DYNC2H1: variants seen among roughly 807,000 people sequenced by gnomAD.
DYNC2H1 encodes cytoplasmic dynein 2 heavy chain 1.
DYNC2H1 carries 410 observed loss-of-function variants against 570.0 expected under a neutral mutation model. The ratio of observed to expected loss-of-function variants is 0.72; its 90% CI spans 0.66 to 0.78. DYNC2H1 has a LOEUF of 0.78. Among genes scored for constraint, DYNC2H1 ranks in the 30% least tolerant of loss-of-function variants. The probability of loss-of-function intolerance (pLI) is 0.00; values close to 1 mark genes in which losing one functional copy is unlikely to be tolerated. For missense variants in DYNC2H1, 4,865 were observed against 5,046.4 expected (o/e 0.96, Z 1.09); for synonymous variants, 1,688 against 1,677.6 (o/e 1.01, Z -0.15).
chr11:103,232,961 A>G (rs1364829170), intron 60 of DYNC2H1, among the ~76,000 whole-genome samples: 1 of 152,004 alleles, frequency 6.6e-6, no homozygotes, highest in African/African-American at 2.4e-5. Flanking sequence ...TGTTTGTAAT[A>G]TGACTGAGGA....
intron 82 of DYNC2H1, among the ~76,000 whole-genome samples, chr11:103,332,312 G>GAAA (rs71962098): frequency 6.5e-5 from 8 of 122,538 alleles, no homozygotes; most frequent in South Asian, 2.6e-4. Flanking sequence ...AAAAAACTGG[G>GAAA]AAAAAAAAAA....
chr11:103,331,637 A>T (rs1938801021), intron 82 of DYNC2H1, among the ~76,000 whole-genome samples: 3 of 152,246 alleles, frequency 2.0e-5, no homozygotes, highest in Admixed American at 2.0e-4. Flanking sequence ...AAAACATTAC[A>T]AAGTATATGA....
At chr11:103,399,549 T>C (rs984721347) in intron 83 of DYNC2H1, 114 bp from the exon 84 acceptor site, 33 of 728,328 alleles carry the variant, frequency 4.5e-5, no homozygotes, top group Non-Finnish European at 7.2e-5. Flanking sequence ...TAAAAGCATT[T>C]CAAAATAGTT....
chr11:103,430,162 A>AAAAATTC (rs1943836022), intron 84 of DYNC2H1, among the ~76,000 whole-genome samples: 1 of 152,130 alleles, frequency 6.6e-6, no homozygotes, highest in South Asian at 2.1e-4. Flanking sequence ...AATTCCTACA[A>AAAAATTC]GTGGCCATTT....
Position 103,188,559 on chromosome 11 carries a change from A to G in DYNC2H1, c.7203A>G (p.Gln2401=). 1.2e-6 allele frequency: 2 copies of G among 1,610,944 alleles called. No homozygotes were observed. The highest frequency in any genetic ancestry group is 1.7e-6 in the Non-Finnish European group (2 of 1,178,018). ...AATGGGTTGGTCTAGAAAATATTCA[A>G]ATTGTGGCTTCTATGTCAGCTGGAG... is the stretch of plus-strand genomic sequence containing the variant. The part of the protein sequence containing the change: ...NLEWVGLENI[Q]IVASMSAGGR... The change falls in exon 44 of 89, where the codon CAA becomes CAG. Residue 2401 remains glutamine, a synonymous_variant. Transcript: ENST00000375735.
chr11:103,256,888 T>C lies in DYNC2H1; in HGVS notation c.10461+648T>C, dbSNP rs1023634172. On this transcript the variant is annotated intron_variant, in intron 68 of 88. Transcript: ENST00000375735. The surrounding 1 kb of genome is among the most constrained non-coding windows in gnomAD (Gnocchi z 4.0). ...TCATCTATTCTCTGATCACAAATAT[T>C]TACCATTTCATCTTACCCACTTTCC... Among the ~76,000 whole-genome samples the C allele has an allele frequency of 1.3e-5, 2 of 152,212 alleles. No individual in the cohort carries two copies. Among genetic ancestry groups the C allele is most frequent in the African/African-American group, 2.4e-5 (1 of 41,454 alleles).
In DYNC2H1 at chr11:103,324,798, A is replaced by G. The variant is rs1938385923; in HGVS notation, c.12039+808A>G. Among the ~76,000 whole-genome samples the G allele has an allele frequency of 6.6e-6, 1 of 152,194 alleles. No individual in the cohort carries two copies. Among genetic ancestry groups the G allele is most frequent in the African/African-American group, 2.4e-5 (1 of 41,446 alleles). ...TCGAGAAATCGCCAAACTATTTTCC[A>G]CAATGGTTGATCTAATTTGCATTCC... On this transcript the variant is annotated intron_variant, in intron 82 of 88. Coordinates refer to ENST00000375735, the MANE Select transcript of DYNC2H1 (RefSeq NM_001377.3). The surrounding 1 kb of genome is among the most constrained non-coding windows in gnomAD (Gnocchi z 5.2).
Position 103,177,190 on chromosome 11 carries a change from C to T in DYNC2H1, c.5875-366C>T, listed in dbSNP as rs1029227740. ...TAATTGTCCAAAATTAGCACTTTGCCCTCAGTTTTGGAGAGAAGTAAGATA... is the reference window on the plus strand; with the variant it reads ...TAATTGTCCAAAATTAGCACTTTGCTCTCAGTTTTGGAGAGAAGTAAGATA... On this transcript the variant is annotated intron_variant, in intron 37 of 88. Transcript: ENST00000375735. This position sits in a 1 kb window ranked among gnomAD's most constrained non-coding sequence, Gnocchi z 4.4. 6.6e-6 allele frequency among the ~76,000 whole-genome samples: 1 copy of T among 151,556 alleles called. No homozygotes were observed. The highest frequency in any genetic ancestry group is 1.5e-5 in the Non-Finnish European group (1 of 67,894).
chr11:103,164,397 T>G (rs642169), intron 30 of DYNC2H1, among the ~76,000 whole-genome samples: 139,579 of 152,268 alleles, frequency 0.92, 64,018 homozygotes, highest in Admixed American at 0.93. Context: ...TTTATTAGCA[T>G]TTAATGCTAA....
At position 103,200,169 on chromosome 11, in the gene DYNC2H1, T is replaced by A; in HGVS notation, c.8197+15T>A. ...TTTGTCTTCAGGCAAGTGAACAGTT[T>A]CTTTTCGAAGAAAATAAAAATAATG... is the stretch of plus-strand genomic sequence containing the variant. On this transcript the variant is annotated intron_variant, in intron 50 of 88. Coordinates refer to ENST00000375735, the MANE Select transcript of DYNC2H1 (RefSeq NM_001377.3). The A allele has an allele frequency of 6.8e-7, 1 of 1,472,634 alleles. No individual in the cohort carries two copies. Among genetic ancestry groups the A allele is most frequent in the African/African-American group, 1.4e-5 (1 of 70,218 alleles). The allele number at this position is 1,472,634 out of a possible 1,614,324, so 91.2% of individuals were successfully genotyped here.
At chr11:103,233,872 GTGTGTGGGTT>G (rs1288999202) in intron 60 of DYNC2H1, among the ~76,000 whole-genome samples, 152 bp from the exon 61 acceptor site, 10 of 91,642 alleles carry the variant, frequency 1.1e-4, no homozygotes, top group South Asian at 4.0e-4. Flanking sequence ...GTGTGTGTGT[GTGTGTGGGTT>G]TGTCTCTTCT....
intron 65 of DYNC2H1, among the ~76,000 whole-genome samples, chr11:103,247,270 G>A (rs1360392951): frequency 6.6e-6 from 1 of 152,000 alleles, no homozygotes; most frequent in African/African-American, 2.4e-5. Flanking sequence ...TTATACTAGA[G>A]ATGACAGCTA....
At position 103,471,621 on chromosome 11, in the gene DYNC2H1, T is replaced by G. The variant is rs116687881; in HGVS notation, c.12765+2916T>G. Among the ~76,000 whole-genome samples, 1,453 of 152,336 alleles carry G rather than the reference T, an allele frequency of 9.5e-3. 24 individuals are homozygous for G. The highest frequency in any genetic ancestry group is 0.033 in the African/African-American group (1,368 of 41,566). ...ATCCTGTTGTCAATAATTTAAACTT[T>G]TATAATGCTATAATGTTTTATCTTA... On this transcript the variant is annotated intron_variant, in intron 88 of 88. Coordinates refer to ENST00000375735, the MANE Select transcript of DYNC2H1 (RefSeq NM_001377.3).
At chr11:103,139,464 G>C (rs1048738478) in intron 17 of DYNC2H1, among the ~76,000 whole-genome samples, 2 of 151,972 alleles carry the variant, frequency 1.3e-5, no homozygotes, top group East Asian at 3.8e-4. Context: ...CCTTCATTTC[G>C]TTATGTACCC....
chr11:103,167,454 G>C (rs573512907), intron 31 of DYNC2H1, among the ~76,000 whole-genome samples: 1 of 152,008 alleles, frequency 6.6e-6, no homozygotes, highest in East Asian at 1.9e-4. Context: ...TTTTTGTAGA[G>C]ACATGGTTTT....
intron 55 of DYNC2H1, among the ~76,000 whole-genome samples, chr11:103,216,789 C>CA (rs5794214): frequency 0.82 from 121,069 of 147,862 alleles, 50,056 homozygotes; most frequent in Middle Eastern, 0.92. Flanking sequence ...GCAAGACTCT[C>CA]AAAAAAAAAA....
chr11:103,326,759 C>T lies in DYNC2H1; in HGVS notation c.12039+2769C>T, dbSNP rs1938510190. Reference sequence around the variant, plus strand: ...GGGAAGGCCTGCAGAACAGATGTGCCCCAATCCTGTGGGGGAAGCCAGCCT... The same window carrying T: ...GGGAAGGCCTGCAGAACAGATGTGCTCCAATCCTGTGGGGGAAGCCAGCCT... On this transcript the variant is annotated intron_variant, in intron 82 of 88. Coordinates refer to ENST00000375735, the MANE Select transcript of DYNC2H1 (RefSeq NM_001377.3). This position sits in a 1 kb window ranked among gnomAD's most constrained non-coding sequence, Gnocchi z 6.1. Among the ~76,000 whole-genome samples the T allele has an allele frequency of 6.6e-6, 1 of 152,204 alleles. No individual in the cohort carries two copies. The highest frequency in any genetic ancestry group is 1.5e-5 in the Non-Finnish European group (1 of 68,038).
intron 18 of DYNC2H1, among the ~76,000 whole-genome samples, chr11:103,147,240 C>CA (rs1280098485): frequency 1.3e-5 from 2 of 152,098 alleles, no homozygotes; most frequent in African/African-American, 4.8e-5. Flanking sequence ...TGTTTGCCCA[C>CA]AAAATTGAAG....
At chr11:103,360,374 C>A (rs886747777) in intron 83 of DYNC2H1, among the ~76,000 whole-genome samples, 1 of 151,968 alleles carries the variant, frequency 6.6e-6, no homozygotes, top group East Asian at 1.9e-4. Flanking sequence ...GAAAGTTACT[C>A]GACTTTTCTG....
Sources: allele counts gnomAD v4.1 joint callset (sites outside exome capture counted in the v4.1 genomes callset), GRCh38; gene constraint gnomAD v4.1.1; non-coding constraint Gnocchi (gnomAD v3.1); transcripts MANE v1.5; gene names NCBI Gene and HGNC (gene_info 2026-07-23, HGNC 2026-07-21).